Variants in DIS3 observed in about 807,000 individuals in gnomAD.
DIS3 encodes exosome complex exonuclease RRP44.
Under a neutral mutation model 113.0 loss-of-function variants are expected in DIS3, and 103 were observed. That is an observed-to-expected ratio of 0.91 (90% CI 0.78 to 1.07). The LOEUF (loss-of-function observed/expected upper bound fraction) is 1.07. DIS3 is among the 50% of genes least tolerant of loss of function. The pLI is 0.00. For synonymous variants in DIS3, 402 were observed against 394.3 expected (o/e 1.02, Z -0.23); for missense variants, 1,121 against 1,167.1 (o/e 0.96, Z 0.58).
chr13:72,772,947 C>G (rs2033922644), intron 8 of DIS3, 108 bp from the exon 9 acceptor site: 3 of 1,243,556 alleles, frequency 2.4e-6, no homozygotes, highest in East Asian at 2.6e-5. Flanking sequence ...CTAAATATTC[C>G]CATAACGATT....
At chr13:72,781,390 T>C in intron 1 of DIS3, 1 of 1,545,662 alleles carries the variant, frequency 6.5e-7, no homozygotes, top group Non-Finnish European at 8.7e-7. Context: ...GTTAGAAAAA[T>C]AACGTGTCTG....
intron 14 of DIS3, among the ~76,000 whole-genome samples, chr13:72,766,729 T>G (rs897066629): frequency 6.6e-6 from 1 of 152,214 alleles, no homozygotes; most frequent in African/African-American, 2.4e-5. Context: ...AAGTCTAATG[T>G]TTCTTACACC....
intron 3 of DIS3, 40 bp downstream of exon 3, chr13:72,778,147 T>C (rs1454716511): frequency 6.7e-7 from 1 of 1,497,814 alleles, no homozygotes. Flanking sequence ...TTTACACGCA[T>C]TTGCAAACAT....
chr13:72,773,514 T>C (rs2033934461), intron 8 of DIS3, among the ~76,000 whole-genome samples, 170 bp downstream of exon 8: 1 of 152,204 alleles, frequency 6.6e-6, no homozygotes, highest in African/African-American at 2.4e-5. Context: ...TGGAATTTCA[T>C]AAAATTAATT....
intron 6 of DIS3, among the ~76,000 whole-genome samples, chr13:72,774,734 GCATAT>G (rs1566249157): frequency 1.3e-5 from 2 of 151,984 alleles, no homozygotes; most frequent in African/African-American, 2.4e-5. Flanking sequence ...TAGACTTAGC[GCATAT>G]CATAAGAAAT....
chr13:72,763,320 A>G (rs796171518), intron 16 of DIS3, 131 bp downstream of exon 16: 77 of 1,193,400 alleles, frequency 6.5e-5, no homozygotes, highest in Non-Finnish European at 8.5e-5. Context: ...AAACCAAAAG[A>G]AAAAAGAACT....
At chr13:72,781,237 A>G in intron 1 of DIS3, 1 of 1,537,090 alleles carries the variant, frequency 6.5e-7, no homozygotes, top group Non-Finnish European at 8.8e-7. Flanking sequence ...AATTAAGGGT[A>G]TTAATAAAGG....
intron 2 of DIS3, among the ~76,000 whole-genome samples, chr13:72,779,692 A>G (rs765598124): frequency 5.0e-5 from 7 of 139,010 alleles, no homozygotes; most frequent in Non-Finnish European, 9.2e-5. Context: ...CTCTAATCCA[A>G]TGGTTCTCAA....
chr13:72,755,204 C>T lies in DIS3; in HGVS notation c.*4591G>A. 6.2e-7 allele frequency: 1 copy of T among 1,612,986 alleles called. No homozygotes were observed. Among genetic ancestry groups the T allele is most frequent in the Non-Finnish European group, 8.5e-7 (1 of 1,179,164 alleles). On this transcript the variant is annotated 3_prime_UTR_variant, in exon 21 of 21. Transcript: ENST00000377767. ...TGAAAACAGCAAGCCCTTTTCAATG[C>T]AGCAGTCCATAGAATGCCTCTGTCA...
rs755089924 is a variant in DIS3, at chr13:72,775,905, G to T, written c.822+20C>A. ...TATCATCTTTATTTTAGTGTATAAG[G>T]AATTTATTTATATACTTGCCTCTTT... On this transcript the variant is annotated intron_variant, in intron 5 of 20. Coordinates refer to ENST00000377767, the MANE Select transcript of DIS3 (RefSeq NM_014953.5). 7 of 1,569,020 alleles carry T rather than the reference G, an allele frequency of 4.5e-6. No individual in the cohort carries two copies. The highest frequency in any genetic ancestry group is 1.2e-5 in the South Asian group (1 of 83,894).
chr13:72,772,919 C>T (rs1421293579), intron 8 of DIS3, 80 bp from the exon 9 acceptor site: 3 of 1,420,982 alleles, frequency 2.1e-6, no homozygotes, highest in African/African-American at 1.4e-5. Flanking sequence ...TCAGCATTTA[C>T]ATATCTTCTC....
At position 72,753,475 on chromosome 13, in the gene DIS3, T is replaced by G; in HGVS notation, c.*6320A>C. On this transcript the variant is annotated 3_prime_UTR_variant, in exon 21 of 21. Coordinates refer to ENST00000377767, the MANE Select transcript of DIS3 (RefSeq NM_014953.5). ...TCTTAAGGAAGTTACAAGATATATT[T>G]CATTGGAAGGAATTGTAAAATGACT... 2.5e-6 allele frequency: 1 copy of G among 402,466 alleles called. No individual in the cohort carries two copies. Among genetic ancestry groups the G allele is most frequent in the South Asian group, 5.2e-5 (1 of 19,294 alleles). 24.9% of individuals were successfully genotyped at this position (402,466 alleles called of 1,614,324 possible). A position where few individuals can be genotyped will look rare whatever the true frequency, so the allele number is the denominator to read the frequency against.
chr13:72,763,407 G>A (rs1469177043), intron 16 of DIS3, 44 bp downstream of exon 16: 4 of 1,555,804 alleles, frequency 2.6e-6, no homozygotes, highest in East Asian at 4.6e-5. Flanking sequence ...ACAACAGGTA[G>A]ATCAAAACAC....
chr13:72,771,143 C>T lies in DIS3; in HGVS notation c.1608G>A (p.Arg536=), dbSNP rs1483050709. Residue 536 remains arginine, a splice_region_variant and synonymous_variant, in exon 12 of 21, where the codon AGG becomes AGA. Coordinates refer to ENST00000377767, the MANE Select transcript of DIS3 (RefSeq NM_014953.5). The part of the protein sequence containing the change: ...RGTTVYLCEK[R]IDMVPELLSS... The stretch of plus-strand genomic sequence containing the variant: ...TAAGCAACTCTGGAACCATGTCAAT[C>T]CTCTGCAAAAGATAAAAATAGAACC... 1 of 1,613,018 alleles carries T rather than the reference C, an allele frequency of 6.2e-7. No individual in the cohort carries two copies. Among genetic ancestry groups the T allele is most frequent in the South Asian group, 1.1e-5 (1 of 90,952 alleles).
At chr13:72,778,470 C>G (rs896809794) in intron 2 of DIS3, 90 bp from the exon 3 acceptor site, 29 of 1,034,288 alleles carry the variant, frequency 2.8e-5, no homozygotes, top group Non-Finnish European at 3.5e-5. Context: ...AACCACTAAA[C>G]TAGAAAAAGT....
chr13:72,777,280 C>T (rs1015419016), intron 4 of DIS3, 140 bp downstream of exon 4: 4 of 737,530 alleles, frequency 5.4e-6, no homozygotes, highest in Non-Finnish European at 8.9e-6. Flanking sequence ...CTATGACATC[C>T]ACTCCTGTTT....
chr13:72,780,760 C>G lies in DIS3; in HGVS notation c.386+86G>C. The G allele has an allele frequency of 7.2e-6, 9 of 1,244,024 alleles. No homozygotes were observed. In the South Asian group the frequency reaches 1.3e-4, roughly 18 times the overall value. 77.1% of individuals were successfully genotyped at this position (1,244,024 alleles called of 1,614,324 possible). On this transcript the variant is annotated intron_variant, in intron 2 of 20. Coordinates refer to ENST00000377767, the MANE Select transcript of DIS3 (RefSeq NM_014953.5). ...ATGAAATCTATCACTTATCTTCTGA[C>G]AATGTCATAAATTACTCACAGGAAC... is the stretch of plus-strand genomic sequence containing the variant.
rs1163172842 is a variant in DIS3, at chr13:72,755,060, G to A, written c.*4735C>T. 1.7e-5 allele frequency: 17 copies of A among 1,004,858 alleles called. No individual in the cohort carries two copies. Among genetic ancestry groups the A allele is most frequent in the South Asian group, 5.3e-5 (4 of 74,864 alleles). The allele number at this position is 1,004,858 out of a possible 1,614,324, so 62.2% of individuals were successfully genotyped here. On this transcript the variant is annotated 3_prime_UTR_variant, in exon 21 of 21. Coordinates refer to ENST00000377767, the MANE Select transcript of DIS3 (RefSeq NM_014953.5). ...CCCTTCAGAGTTCAGCTAAAGAAACGTGCTTTTAGGTTTTAAAAACAGTCC... is the reference window on the plus strand; with the variant it reads ...CCCTTCAGAGTTCAGCTAAAGAAACATGCTTTTAGGTTTTAAAAACAGTCC...
chr13:72,771,222 CATTA>C, intron 11 of DIS3, 77 bp from the exon 12 acceptor site: 1 of 1,157,456 alleles, frequency 8.6e-7, no homozygotes, highest in Non-Finnish European at 1.3e-6. Flanking sequence ...TCTCAAATAA[CATTA>C]ATTAAACAAG....
Sources: allele counts gnomAD v4.1 joint callset (sites outside exome capture counted in the v4.1 genomes callset), GRCh38; gene constraint gnomAD v4.1.1; transcripts MANE v1.5; gene names NCBI Gene and HGNC (gene_info 2026-07-23, HGNC 2026-07-21).